Variants in USP25 observed in about 807,000 individuals in gnomAD.
USP25 encodes the protein ubiquitin specific peptidase 25.
A neutral mutation model predicts 158.5 loss-of-function variants in USP25; 85 were observed. That is an observed-to-expected ratio of 0.54 (90% confidence interval 0.45 to 0.64). USP25 has a LOEUF of 0.64. Ranked by LOEUF, USP25 falls within the 30% of genes least tolerant of loss-of-function variation. The probability of loss-of-function intolerance (pLI) is 0.00; values close to 1 mark genes in which losing one functional copy is unlikely to be tolerated. For synonymous variants in USP25, 464 were observed against 460.4 expected (o/e 1.01, Z -0.10); for missense variants, 1,242 against 1,327.3 (o/e 0.94, Z 1.00).
At chr21:15,761,254 C>T (rs939749230) in intron 1 of USP25, among the ~76,000 whole-genome samples, 2 of 152,152 alleles carry the variant, frequency 1.3e-5, no homozygotes, top group African/African-American at 2.4e-5. Flanking sequence ...AAGGCAGTGA[C>T]TGTCAGGGTT....
At position 15,870,143 on chromosome 21, in the gene USP25, GA is replaced by G; in HGVS notation, c.2884del (p.Ser962ValfsTer3). 6.2e-7 allele frequency: 1 copy of G among 1,606,528 alleles called. No homozygotes were observed. Among genetic ancestry groups the G allele is most frequent in the Admixed American group, 1.7e-5 (1 of 59,102 alleles). On this transcript the variant is annotated frameshift_variant, in exon 23 of 26. Coordinates refer to ENST00000400183, the MANE Select transcript of USP25 (RefSeq NM_001283041.3). LOFTEE classifies it high-confidence loss of function. The part of the protein sequence containing the change: ...LIIGLENFQR[E>X]SYIDSLLFLI... ...AATTGGGCTAGAAAATTTTCAAAGA[GA>G]AAGGTAAGGCAAAGTGGACAAATAT...
Position 15,779,489 on chromosome 21 carries a change from G to GTATATGAA in USP25, c.392+1467_392+1474dup, listed in dbSNP as rs1453367497. Reference sequence around the variant, plus strand: ...TTTTTGTTTATATGAATTTATATGAGTATATGAATATAAAATATATGTGAG... The same window carrying GTATATGAA: ...TTTTTGTTTATATGAATTTATATGAGTATATGAATATATGAATATAAAATATATGTGAG... On this transcript the variant is annotated intron_variant, in intron 4 of 25. Transcript: ENST00000400183. Among the ~76,000 whole-genome samples, 17 of 151,724 alleles carry GTATATGAA rather than the reference G, an allele frequency of 1.1e-4. No homozygotes were observed. In the East Asian group the frequency reaches 3.1e-3, roughly 28 times the overall value.
chr21:15,860,963 TA>T (rs1662938231), intron 20 of USP25, among the ~76,000 whole-genome samples: 1 of 140,738 alleles, frequency 7.1e-6, no homozygotes, highest in African/African-American at 2.6e-5. Context: ...CATATATATA[TA>T]TATATATATA....
chr21:15,817,546 C>A (rs1034830049), intron 9 of USP25, among the ~76,000 whole-genome samples: 1 of 152,140 alleles, frequency 6.6e-6, no homozygotes, highest in Admixed American at 6.5e-5. Flanking sequence ...AAGACATACC[C>A]GAGACCGGGC....
In USP25 at chr21:15,875,563, A is replaced by G. The variant is rs2040066762; in HGVS notation, c.3009+1037A>G. ...TGTTTGTTCTGGAATAAGTGCCATTATGAGAAATATGCACAATGATATGCC... is the reference window on the plus strand; with the variant it reads ...TGTTTGTTCTGGAATAAGTGCCATTGTGAGAAATATGCACAATGATATGCC... On this transcript the variant is annotated intron_variant, in intron 24 of 25. Transcript: ENST00000400183. The surrounding 1 kb of genome is among the most constrained non-coding windows in gnomAD (Gnocchi z 4.7). 6.6e-6 allele frequency among the ~76,000 whole-genome samples: 1 copy of G among 152,236 alleles called. No individual in the cohort carries two copies. The highest frequency in any genetic ancestry group is 2.1e-4 in the South Asian group (1 of 4,836).
chr21:15,741,784 A>G (rs2032081176), intron 1 of USP25, among the ~76,000 whole-genome samples: 1 of 152,228 alleles, frequency 6.6e-6, no homozygotes, highest in Admixed American at 6.5e-5. Flanking sequence ...AAGTGCTAAT[A>G]TGTTCACAAA....
chr21:15,731,435 A>G (rs2030887623), intron 1 of USP25, among the ~76,000 whole-genome samples: 2 of 152,122 alleles, frequency 1.3e-5, no homozygotes, highest in South Asian at 4.1e-4. Flanking sequence ...TGAGTAATGA[A>G]TGCCCCACCC....
Position 15,777,968 on chromosome 21 carries a change from C to A in USP25, c.333C>A (p.Ala111=). The A allele has an allele frequency of 6.2e-7, 1 of 1,610,912 alleles. No homozygotes were observed. The highest frequency in any genetic ancestry group is 8.5e-7 in the Non-Finnish European group (1 of 1,178,718). ...DLQRAIALSL[A]ESNRAFRETG... ...AGAGAGCAATTGCCTTGAGTTTGGC[C>A]GAATCAAACAGGGCATTCAGGGAGA... is the stretch of plus-strand genomic sequence containing the variant. Residue 111 remains alanine (A), a synonymous_variant, in exon 4 of 26, where the codon GCC becomes GCA. Coordinates refer to ENST00000400183, the MANE Select transcript of USP25 (RefSeq NM_001283041.3).
chr21:15,856,932 A>G (rs2039177666), intron 20 of USP25, among the ~76,000 whole-genome samples: 1 of 152,158 alleles, frequency 6.6e-6, no homozygotes, highest in Middle Eastern at 3.2e-3. Flanking sequence ...TTCATGTTAC[A>G]ACAAATTTGA....
chr21:15,765,411 A>G (rs1242356163), intron 2 of USP25, among the ~76,000 whole-genome samples: 1 of 152,116 alleles, frequency 6.6e-6, no homozygotes, highest in Non-Finnish European at 1.5e-5. Context: ...TGCAAAATGT[A>G]TCTATTTAAT....
chr21:15,778,955 A>G (rs1439348851), intron 4 of USP25, among the ~76,000 whole-genome samples: 1 of 152,072 alleles, frequency 6.6e-6, no homozygotes, highest in Non-Finnish European at 1.5e-5. Context: ...TTTCTCAGGT[A>G]ATTTTTCTTG....
At chr21:15,842,654 T>C in intron 18 of USP25, 114 bp downstream of exon 18, 1 of 1,328,632 alleles carries the variant, frequency 7.5e-7, no homozygotes, top group Non-Finnish European at 1.0e-6. Context: ...GTGATGGCTC[T>C]GCCATGGGCA....
At chr21:15,820,968 A>G (rs1568848941) in intron 10 of USP25, among the ~76,000 whole-genome samples, 1 of 152,042 alleles carries the variant, frequency 6.6e-6, no homozygotes, top group South Asian at 2.1e-4. Context: ...TATATCCAAA[A>G]TAACTGCTTA....
chr21:15,846,004 G>C (rs957352689), intron 18 of USP25, among the ~76,000 whole-genome samples: 2 of 150,814 alleles, frequency 1.3e-5, no homozygotes, highest in Non-Finnish European at 3.0e-5. Context: ...TGGCTTAGCT[G>C]CATATTATCT....
intron 1 of USP25, among the ~76,000 whole-genome samples, chr21:15,750,804 C>T (rs1331313825): frequency 6.6e-6 from 1 of 151,598 alleles, no homozygotes; most frequent in Non-Finnish European, 1.5e-5. Flanking sequence ...GATGGGGTTT[C>T]ACCGTGTTAG....
chr21:15,735,990 G>C (rs1364869597), intron 1 of USP25, among the ~76,000 whole-genome samples: 1 of 151,382 alleles, frequency 6.6e-6, no homozygotes, highest in Non-Finnish European at 1.5e-5. Context: ...GTATGTGTGT[G>C]TGTGTGTGTG....
chr21:15,782,151 C>T (rs537150563), intron 4 of USP25, among the ~76,000 whole-genome samples: 7 of 152,312 alleles, frequency 4.6e-5, no homozygotes, highest in African/African-American at 9.6e-5. Context: ...CCTGCATGGC[C>T]GGGCAGCCCC....
At chr21:15,838,118 A>G (rs1332000236) in intron 17 of USP25, among the ~76,000 whole-genome samples, 1 of 151,692 alleles carries the variant, frequency 6.6e-6, no homozygotes, top group Non-Finnish European at 1.5e-5. Context: ...AGTAGAGACA[A>G]GGCTTCACCA....
intron 2 of USP25, among the ~76,000 whole-genome samples, chr21:15,764,085 G>T (rs2033893898): frequency 6.6e-6 from 1 of 152,068 alleles, no homozygotes; most frequent in South Asian, 2.1e-4. Context: ...GTAGTGTTTA[G>T]AGCATTAATG....
Sources: allele counts gnomAD v4.1 joint callset (sites outside exome capture counted in the v4.1 genomes callset), GRCh38; gene constraint gnomAD v4.1.1; non-coding constraint Gnocchi (gnomAD v3.1); transcripts MANE v1.5; gene names NCBI Gene and HGNC (gene_info 2026-07-23, HGNC 2026-07-21).